FGF13: variants seen among roughly 807,000 people sequenced by gnomAD.
FGF13 encodes the protein fibroblast growth factor 13.
In FGF13, 2 loss-of-function variants were observed where a neutral mutation model predicts 19.5. The observed-to-expected ratio is 0.10, with a 90% CI of 0.04 to 0.32. The LOEUF (loss-of-function observed/expected upper bound fraction) is 0.32, where lower values mean the gene tolerates loss of function less well. Among genes scored for constraint, FGF13 ranks in the 10% least tolerant of loss-of-function variants. The pLI is 1.00. For synonymous variants in FGF13, 72 were observed against 76.9 expected (o/e 0.94, Z 0.33); for missense variants, 113 against 192.7 (o/e 0.59, Z 2.45).
chrX:139,112,277 T>A (rs1569454275), intron 1 of FGF13, among the ~76,000 whole-genome samples: 1 of 111,334 alleles, frequency 9.0e-6, no homozygotes, highest in African/African-American at 3.3e-5. Context: ...TGCTGTGAGA[T>A]GAAATAAAAT....
At chrX:138,953,132 T>C (rs1359292772) in intron 1 of FGF13, among the ~76,000 whole-genome samples, 6 of 110,954 alleles carry the variant, frequency 5.4e-5, no homozygotes, top group South Asian at 3.8e-4. Flanking sequence ...TGCACACGTA[T>C]GTTTATTGCG....
intron 3 of FGF13, among the ~76,000 whole-genome samples, chrX:138,800,541 G>A (rs1231789378): frequency 3.6e-5 from 4 of 111,132 alleles, no homozygotes; most frequent in East Asian, 2.8e-4. Flanking sequence ...AGAAACGGAC[G>A]ATTATGTGTC....
intron 1 of FGF13, among the ~76,000 whole-genome samples, chrX:139,041,586 G>C (rs1359901250): frequency 9.0e-6 from 1 of 111,187 alleles, no homozygotes; most frequent in Non-Finnish European, 1.9e-5. Flanking sequence ...CATTTAACTG[G>C]TATTAGTGTG....
At chrX:139,141,615 T>C (rs2083846219) in intron 1 of FGF13, among the ~76,000 whole-genome samples, 3 of 111,754 alleles carry the variant, frequency 2.7e-5, no homozygotes, top group African/African-American at 6.5e-5. Flanking sequence ...AAAGCTCTCC[T>C]CCCTTCTCAT....
At chrX:138,914,321 T>C (rs1287774514) in intron 1 of FGF13, among the ~76,000 whole-genome samples, 1 of 109,412 alleles carries the variant, frequency 9.1e-6, no homozygotes, top group Non-Finnish European at 1.9e-5. Flanking sequence ...TCTGGCCCCA[T>C]CCCATTTTCA....
intron 3 of FGF13, among the ~76,000 whole-genome samples, chrX:138,769,763 A>G (rs2090531706): frequency 3.6e-5 from 4 of 112,342 alleles, no homozygotes; most frequent in Admixed American, 2.8e-4. Flanking sequence ...GAGGACTTGC[A>G]AAGCCCCCTG....
At chrX:138,731,995 A>T (rs1205781848) in intron 1 of FGF13, among the ~76,000 whole-genome samples, 1 of 111,705 alleles carries the variant, frequency 9.0e-6, no homozygotes, top group Non-Finnish European at 1.9e-5. Flanking sequence ...AGCACTCAAC[A>T]TCATTAGTCA....
At chrX:139,193,391 G>T (rs2148278908) in intron 1 of FGF13, among the ~76,000 whole-genome samples, 1 of 112,312 alleles carries the variant, frequency 8.9e-6, no homozygotes, top group Non-Finnish European at 1.9e-5. Flanking sequence ...GATAAGCATT[G>T]TCATTACGTA....
At chrX:138,798,522 T>G (rs2090798082) in intron 3 of FGF13, among the ~76,000 whole-genome samples, 1 of 111,893 alleles carries the variant, frequency 8.9e-6, no homozygotes, top group South Asian at 3.8e-4. Flanking sequence ...CCTGATTTTT[T>G]TTTCTTTTTC....
chrX:139,045,908 C>A (rs2092285765), intron 1 of FGF13, among the ~76,000 whole-genome samples: 1 of 111,599 alleles, frequency 9.0e-6, no homozygotes, highest in African/African-American at 3.3e-5. Flanking sequence ...TCTTCTGAGC[C>A]CTCTAAACTC....
At chrX:138,873,042 C>T (rs759257849) in intron 1 of FGF13, among the ~76,000 whole-genome samples, 10 of 111,694 alleles carry the variant, frequency 9.0e-5, no homozygotes, top group East Asian at 8.5e-4. Flanking sequence ...AGAAAAAGAA[C>T]GTTTTGAGGT....
chrX:139,185,683 A>G (rs1446422543), intron 1 of FGF13, among the ~76,000 whole-genome samples: 3 of 111,368 alleles, frequency 2.7e-5, no homozygotes, highest in Middle Eastern at 4.7e-3. Context: ...GCCTTACACC[A>G]CCTCCAATGA....
chrX:138,847,114 G>A (rs773459473), intron 3 of FGF13, among the ~76,000 whole-genome samples: 70 of 111,650 alleles, frequency 6.3e-4, no homozygotes, highest in African/African-American at 2.0e-4. Context: ...TGCACTTATG[G>A]AGCAAGAGGG....
intron 3 of FGF13, among the ~76,000 whole-genome samples, chrX:138,849,365 A>T (rs1207391122): frequency 8.9e-6 from 1 of 112,163 alleles, no homozygotes; most frequent in Non-Finnish European, 1.9e-5. Flanking sequence ...TAAATATATG[A>T]TCAGTGTTGC....
chrX:139,043,758 T>G (rs1382051642), intron 1 of FGF13, among the ~76,000 whole-genome samples: 1 of 112,381 alleles, frequency 8.9e-6, no homozygotes, highest in African/African-American at 3.2e-5. Context: ...ATGTGGTATA[T>G]GCATACTATG....
chrX:138,873,763 C>T (rs968783793), intron 1 of FGF13, among the ~76,000 whole-genome samples: 25 of 110,913 alleles, frequency 2.3e-4, no homozygotes, highest in Middle Eastern at 4.7e-3. Context: ...CAGAGTAAAA[C>T]CATTTCCCGA....
chrX:139,174,644 A>G (rs1016695039), intron 1 of FGF13, among the ~76,000 whole-genome samples: 2 of 111,833 alleles, frequency 1.8e-5, no homozygotes, highest in Non-Finnish European at 3.8e-5. Context: ...ACCATTTATT[A>G]AATAGGGAAT....
At chrX:139,200,941 T>C (rs1349672883) in intron 1 of FGF13, among the ~76,000 whole-genome samples, 1 of 111,942 alleles carries the variant, frequency 8.9e-6, no homozygotes, top group Non-Finnish European at 1.9e-5. Context: ...AACAAACAAA[T>C]ATTATGCTTT....
At chrX:139,084,906 A>G (rs894222515) in intron 1 of FGF13, among the ~76,000 whole-genome samples, 1 of 111,780 alleles carries the variant, frequency 8.9e-6, no homozygotes, top group Non-Finnish European at 1.9e-5. Flanking sequence ...TCTTAATGTA[A>G]ATGAGGCCTC....
Sources: allele counts gnomAD v4.1 joint callset (sites outside exome capture counted in the v4.1 genomes callset), GRCh38; gene constraint gnomAD v4.1.1; transcripts MANE v1.5; gene names NCBI Gene and HGNC (gene_info 2026-07-23, HGNC 2026-07-21).